Variants in CAMTA1 observed in about 807,000 individuals in gnomAD.
CAMTA1 encodes calmodulin-binding transcription activator 1.
Under a neutral mutation model 170.9 loss-of-function variants are expected in CAMTA1, and 27 were observed. The observed-to-expected ratio is 0.16, with a 90% CI of 0.12 to 0.22. The LOEUF (loss-of-function observed/expected upper bound fraction) is 0.22. CAMTA1 is among the 10% of genes least tolerant of loss of function. CAMTA1 has a pLI of 1.00. For synonymous variants in CAMTA1, 833 were observed against 891.5 expected, an observed-to-expected ratio of 0.93 and a Z score of 1.17; for missense variants, 1,619 against 2,217.2, an observed-to-expected ratio of 0.73 and a Z score of 5.42.
intron 4 of CAMTA1, among the ~76,000 whole-genome samples, chr1:7,134,357 C>CAATCAT (rs1318280260): frequency 6.6e-6 from 1 of 152,142 alleles, no homozygotes; most frequent in Non-Finnish European, 1.5e-5. Flanking sequence ...TGCAGTGGTG[C>CAATCAT]AATCATGGCT....
chr1:7,071,312 A>G (rs541782977), intron 3 of CAMTA1, among the ~76,000 whole-genome samples: 7 of 152,228 alleles, frequency 4.6e-5, no homozygotes, highest in Non-Finnish European at 1.0e-4. Flanking sequence ...TGAAAGATAC[A>G]GTGAATAGAA....
At chr1:7,045,048 C>CA (rs1361031296) in intron 3 of CAMTA1, among the ~76,000 whole-genome samples, 3 of 152,098 alleles carry the variant, frequency 2.0e-5, no homozygotes, top group Non-Finnish European at 4.4e-5. Flanking sequence ...TAGCTTGTAC[C>CA]TGAACACTGC....
intron 9 of CAMTA1, among the ~76,000 whole-genome samples, chr1:7,669,200 C>CAGTAAAGTG (rs2096032045): frequency 6.6e-6 from 1 of 152,244 alleles, no homozygotes; most frequent in Non-Finnish European, 1.5e-5. Flanking sequence ...GCTGCCGTAG[C>CAGTAAAGTG]AGTAAAGTGA....
intron 5 of CAMTA1, among the ~76,000 whole-genome samples, chr1:7,313,520 C>T (rs1557496971): frequency 1.3e-5 from 2 of 152,126 alleles, no homozygotes; most frequent in Non-Finnish European, 2.9e-5. Context: ...TTGCATTGGT[C>T]GGCCCTTCTC....
intron 3 of CAMTA1, among the ~76,000 whole-genome samples, chr1:6,857,127 A>AT (rs145303718): frequency 0.12 from 18,482 of 152,212 alleles, 1,675 homozygotes; most frequent in Admixed American, 0.28. Context: ...GGAGGCAAGA[A>AT]TGGAAGTTGA....
chr1:7,407,369 G>A (rs541168857), intron 5 of CAMTA1, among the ~76,000 whole-genome samples: 109 of 152,302 alleles, frequency 7.2e-4, no homozygotes, highest in Admixed American at 2.0e-3. Context: ...CCACAGACAG[G>A]CACCTGCATG....
At chr1:7,676,616 C>T (rs747893872) in intron 10 of CAMTA1, among the ~76,000 whole-genome samples, 8 of 152,260 alleles carry the variant, frequency 5.3e-5, no homozygotes, top group Non-Finnish European at 8.8e-5. Context: ...GTGATCCCCA[C>T]GCATGTCCTC....
rs1175025494 is a variant in CAMTA1 at position 7,532,915 on chromosome 1, C to T, written c.510+65014C>T. Among the ~76,000 whole-genome samples, 1 of 152,136 alleles carries T rather than the reference C, an allele frequency of 6.6e-6. No individual in the cohort carries two copies. Among genetic ancestry groups the T allele is most frequent in the Non-Finnish European group, 1.5e-5 (1 of 68,018 alleles). On this transcript the variant is annotated intron_variant, in intron 6 of 22. Transcript: ENST00000303635. This position sits in a 1 kb window ranked among gnomAD's most constrained non-coding sequence, Gnocchi z 4.2. ...TTCAGGACAGAAGACTCTTATTGGA[C>T]CAGTGCAGGTGGCGGCTTTTTGGGA...
At chr1:6,856,875 A>G (rs961995741) in intron 3 of CAMTA1, among the ~76,000 whole-genome samples, 9 of 152,128 alleles carry the variant, frequency 5.9e-5, no homozygotes, top group Non-Finnish European at 1.3e-4. Context: ...GGCAGACTTC[A>G]TGATGGGAAG....
intron 4 of CAMTA1, among the ~76,000 whole-genome samples, chr1:7,150,196 C>T (rs1046322029): frequency 6.6e-6 from 1 of 152,226 alleles, no homozygotes; most frequent in African/African-American, 2.4e-5. Context: ...CGCCCTTTGC[C>T]TCCCCAGCTG....
rs1304169637 is a variant in CAMTA1, at chr1:7,766,741, A to G, written c.*250A>G. 3 of 497,674 alleles carry G rather than the reference A, an allele frequency of 6.0e-6. No individual in the cohort carries two copies. The highest frequency in any genetic ancestry group is 6.2e-5 in the South Asian group (2 of 32,080). The allele number at this position is 497,674 out of a possible 1,614,324, so 30.8% of individuals were successfully genotyped here. A position where few individuals can be genotyped will look rare whatever the true frequency, so the allele number is the denominator to read the frequency against. Reference sequence around the variant, plus strand: ...GATCAGCAAGACATCTTGGAACTCAATCTTCTGTTGGATCACGGGAAATCA... The same window carrying G: ...GATCAGCAAGACATCTTGGAACTCAGTCTTCTGTTGGATCACGGGAAATCA... On this transcript the variant is annotated 3_prime_UTR_variant, in exon 23 of 23. Transcript: ENST00000303635.
At chr1:6,823,447 GCAGT>G (rs1000261210) in intron 2 of CAMTA1, among the ~76,000 whole-genome samples, 1 of 152,092 alleles carries the variant, frequency 6.6e-6, no homozygotes, top group African/African-American at 2.4e-5. Flanking sequence ...ATTCTTGAAA[GCAGT>G]CAGTTTTTAG....
At chr1:7,645,727 TG>T (rs2095798528) in intron 7 of CAMTA1, among the ~76,000 whole-genome samples, 1 of 152,260 alleles carries the variant, frequency 6.6e-6, no homozygotes, top group South Asian at 2.1e-4. Context: ...CTCAGGCCTC[TG>T]GGGCAGGTGT....
intron 5 of CAMTA1, among the ~76,000 whole-genome samples, chr1:7,301,721 G>A (rs1674793488): frequency 1.3e-5 from 2 of 152,208 alleles, no homozygotes; most frequent in African/African-American, 2.4e-5. Flanking sequence ...GCCCAGGTCC[G>A]GGGTGCTCCT....
At chr1:7,223,060 T>C (rs1225226161) in intron 4 of CAMTA1, among the ~76,000 whole-genome samples, 3 of 152,268 alleles carry the variant, frequency 2.0e-5, no homozygotes, top group African/African-American at 7.2e-5. Context: ...ACGCTCTTGT[T>C]CCTCTCGCCC....
At chr1:7,524,650 A>T (rs1052797032) in intron 6 of CAMTA1, among the ~76,000 whole-genome samples, 3 of 152,140 alleles carry the variant, frequency 2.0e-5, no homozygotes, top group Non-Finnish European at 4.4e-5. Context: ...ATTTCCTGCT[A>T]TTCCTGACTT....
intron 5 of CAMTA1, among the ~76,000 whole-genome samples, chr1:7,351,370 G>A (rs2084657742): frequency 6.6e-6 from 1 of 152,246 alleles, no homozygotes; most frequent in African/African-American, 2.4e-5. Flanking sequence ...CCAGGCTCCT[G>A]AGCCGGCCCA....
rs2087760819 is a variant in CAMTA1 at position 7,384,928 on chromosome 1, GC to G, written c.439-82901del. On this transcript the variant is annotated intron_variant, in intron 5 of 22. Coordinates refer to ENST00000303635, the MANE Select transcript of CAMTA1 (RefSeq NM_015215.4). Reference sequence around the variant, plus strand: ...GCCCAGGGATGGTTCAGCCAGGCGAGCGTGGGGATGGGCCCAGGACTCACAG... The same window carrying G: ...GCCCAGGGATGGTTCAGCCAGGCGAGGTGGGGATGGGCCCAGGACTCACAG... 5.3e-5 allele frequency among the ~76,000 whole-genome samples: 8 copies of G among 152,178 alleles called. No homozygotes were observed. The South Asian group carries it at 1.7e-3, about 32-fold the overall frequency.
chr1:7,279,220 C>T (rs1006259087), intron 5 of CAMTA1, among the ~76,000 whole-genome samples: 1 of 152,164 alleles, frequency 6.6e-6, no homozygotes, highest in African/African-American at 2.4e-5. Context: ...GTAAGCAGGG[C>T]AGTGTCATCC....
Sources: gnomAD v4.1 joint callset for allele counts (sites outside exome capture counted in the v4.1 genomes callset) on GRCh38, gnomAD v4.1.1 for gene constraint, Gnocchi (gnomAD v3.1) non-coding constraint, MANE v1.5 for transcripts, NCBI Gene and HGNC (gene_info 2026-07-23, HGNC 2026-07-21) for gene names.